Variants in NUCKS1 observed in about 807,000 individuals in gnomAD.
The protein encoded by NUCKS1 is nuclear casein kinase and cyclin dependent kinase substrate 1.
Under a neutral mutation model 33.0 loss-of-function variants are expected in NUCKS1, and 2 were observed. The ratio of observed to expected loss-of-function variants is 0.06; its 90% CI spans 0.02 to 0.19. The LOEUF is 0.19. Among genes scored for constraint, NUCKS1 ranks in the 10% least tolerant of loss-of-function variants. NUCKS1 has a pLI of 1.00. For missense variants in NUCKS1, 201 were observed against 293.6 expected, an observed-to-expected ratio of 0.68 and a Z score of 2.31; for synonymous variants, 106 against 102.8, an observed-to-expected ratio of 1.03 and a Z score of -0.19.
At chr1:205,719,834 A>C (rs1354443952) in intron 5 of NUCKS1, 158 bp from the exon 6 acceptor site, 1 of 662,630 alleles carries the variant, frequency 1.5e-6, no homozygotes, top group Non-Finnish European at 2.4e-6. Flanking sequence ...TGGAGTCATC[A>C]CTGGCCTCAT....
intron 1 of NUCKS1, among the ~76,000 whole-genome samples, chr1:205,747,822 G>A (rs1005542129): frequency 5.5e-4 from 83 of 152,224 alleles, no homozygotes; most frequent in African/African-American, 2.0e-3. Context: ...ATTTCCCTAA[G>A]TCAGGACTTT....
intron 2 of NUCKS1, among the ~76,000 whole-genome samples, chr1:205,729,119 C>T (rs1653847770): frequency 6.6e-6 from 1 of 152,178 alleles, no homozygotes; most frequent in Non-Finnish European, 1.5e-5. Context: ...CAGGTGCATG[C>T]CAACACTCCC....
intron 1 of NUCKS1, among the ~76,000 whole-genome samples, chr1:205,731,935 C>A (rs1653924539): frequency 6.6e-6 from 1 of 151,856 alleles, no homozygotes; most frequent in Admixed American, 6.6e-5. Flanking sequence ...TACATTACCA[C>A]CTATACTTAA....
At chr1:205,724,139 A>T in intron 3 of NUCKS1, 158 bp from the exon 4 acceptor site, 1 of 687,722 alleles carries the variant, frequency 1.5e-6, no homozygotes, top group Non-Finnish European at 2.7e-6. Flanking sequence ...CCTTATTTAC[A>T]GGGATGCTGG....
chr1:205,731,532 A>G (rs1473736739), intron 1 of NUCKS1, among the ~76,000 whole-genome samples: 1 of 152,200 alleles, frequency 6.6e-6, no homozygotes, highest in Non-Finnish European at 1.5e-5. Flanking sequence ...CTACCTGGCA[A>G]AAGAGCCTTA....
At chr1:205,744,064 T>C (rs1000131928) in intron 1 of NUCKS1, among the ~76,000 whole-genome samples, 1 of 152,186 alleles carries the variant, frequency 6.6e-6, no homozygotes, top group Admixed American at 6.5e-5. Context: ...CAGGTGTATC[T>C]CCCCTTAATC....
chr1:205,718,533 A>G, intron 6 of NUCKS1, 54 bp from the exon 7 acceptor site: 1 of 1,589,986 alleles, frequency 6.3e-7, no homozygotes, highest in Non-Finnish European at 8.5e-7. Context: ...GTCTTTAATA[A>G]AAGTCAGCTA....
intron 1 of NUCKS1, among the ~76,000 whole-genome samples, chr1:205,740,392 C>T (rs1207983151): frequency 6.6e-6 from 1 of 151,914 alleles, no homozygotes; most frequent in Non-Finnish European, 1.5e-5. Flanking sequence ...GCAGAGATGG[C>T]AGGATTGCTT....
chr1:205,728,100 T>A (rs1015124570), intron 2 of NUCKS1, among the ~76,000 whole-genome samples: 5 of 152,176 alleles, frequency 3.3e-5, no homozygotes, highest in African/African-American at 9.7e-5. Flanking sequence ...TTCACACTTA[T>A]TTGAAAATTA....
At chr1:205,720,218 C>T (rs1671896393) in intron 5 of NUCKS1, among the ~76,000 whole-genome samples, 1 of 152,134 alleles carries the variant, frequency 6.6e-6, no homozygotes, top group South Asian at 2.1e-4. Flanking sequence ...AATCACAATG[C>T]CTAATGTGAC....
intron 1 of NUCKS1, among the ~76,000 whole-genome samples, chr1:205,733,815 A>C (rs1558053391): frequency 6.6e-6 from 1 of 152,050 alleles, no homozygotes; most frequent in East Asian, 1.9e-4. Context: ...CCTTCCCTGT[A>C]TATCTATCTG....
intron 1 of NUCKS1, among the ~76,000 whole-genome samples, chr1:205,748,577 T>C (rs1237073933): frequency 6.6e-6 from 1 of 152,220 alleles, no homozygotes; most frequent in Non-Finnish European, 1.5e-5. Flanking sequence ...TTACCACAGA[T>C]GCTGATTGAA....
chr1:205,719,139 C>T (rs913237984), intron 6 of NUCKS1, among the ~76,000 whole-genome samples: 7 of 152,160 alleles, frequency 4.6e-5, no homozygotes, highest in Admixed American at 1.3e-4. Context: ...GGAACTTAAA[C>T]GTATTACTCT....
rs141960282 is a variant in NUCKS1 at position 205,742,834 on chromosome 1, A to T, written c.17+7123T>A. 3.3e-3 allele frequency among the ~76,000 whole-genome samples: 505 copies of T among 152,294 alleles called. 3 individuals carry two copies. Among genetic ancestry groups the T allele is most frequent in the African/African-American group, 9.9e-3 (410 of 41,560 alleles). ...AGCGAGACTCGGTCTCAAAGAAAAA[A>T]AAATAAATAAATAAACAAACAAATA... is the stretch of plus-strand genomic sequence containing the variant. On this transcript the variant is annotated intron_variant, in intron 1 of 6. Coordinates refer to ENST00000367142, the MANE Select transcript of NUCKS1 (RefSeq NM_022731.5).
chr1:205,749,266 T>A (rs1654411736), intron 1 of NUCKS1, among the ~76,000 whole-genome samples: 1 of 152,144 alleles, frequency 6.6e-6, no homozygotes, highest in Admixed American at 6.5e-5. Flanking sequence ...CTCAAAACTC[T>A]GAGGTGGGGA....
chr1:205,747,801 G>A (rs1456172791), intron 1 of NUCKS1, among the ~76,000 whole-genome samples: 1 of 152,072 alleles, frequency 6.6e-6, no homozygotes, highest in African/African-American at 2.4e-5. Context: ...ATTATACTTT[G>A]AAACAACATC....
intron 1 of NUCKS1, among the ~76,000 whole-genome samples, chr1:205,732,888 T>C (rs1033860036): frequency 6.6e-6 from 1 of 152,046 alleles, no homozygotes; most frequent in African/African-American, 2.4e-5. Flanking sequence ...ATCTAATATT[T>C]TTGGGCTACT....
rs1431185866 is a variant in NUCKS1, at chr1:205,716,940, A to G, written c.*1340T>C. 6.6e-6 allele frequency: 1 copy of G among 152,166 alleles called. No individual in the cohort carries two copies. The highest frequency in any genetic ancestry group is 1.5e-5 in the Non-Finnish European group (1 of 68,036). 9.4% of individuals were successfully genotyped at this position (152,166 alleles called of 1,614,324 possible). ...CAGTAAAGCAGGGGTTGGACCAAAT[A>G]AAAAGACAAGAGCTAACTGAATTGT... On this transcript the variant is annotated 3_prime_UTR_variant, in exon 7 of 7. Transcript: ENST00000367142.
intron 6 of NUCKS1, 106 bp downstream of exon 6, chr1:205,719,421 A>G: frequency 8.8e-7 from 1 of 1,137,524 alleles, no homozygotes; most frequent in South Asian, 1.6e-5. Context: ...TATTCCTGCT[A>G]AACATCAGGC....
Sources: gnomAD v4.1 joint callset for allele counts (sites outside exome capture counted in the v4.1 genomes callset) on GRCh38, gnomAD v4.1.1 for gene constraint, MANE v1.5 for transcripts, NCBI Gene and HGNC (gene_info 2026-07-23, HGNC 2026-07-21) for gene names.